The following IHO1 variants were observed in gnomAD, a reference collection of about 807,000 sequenced individuals.
IHO1 encodes interactor of HORMAD1 1, also known as interactor of HORMAD1 protein 1.
A neutral mutation model predicts 31.0 loss-of-function variants in IHO1; 13 were observed. The observed-to-expected ratio is 0.42, with a 90% CI of 0.27 to 0.67. IHO1 has a LOEUF of 0.67. IHO1 is among the 30% of genes least tolerant of loss of function. IHO1 has a pLI of 0.24. For synonymous variants in IHO1, 221 were observed against 248.4 expected (o/e 0.89, Z 1.04); for missense variants, 599 against 687.5 (o/e 0.87, Z 1.44).
chr3:49,195,197 A>G (rs1207966373), upstream of IHO1, among the ~76,000 whole-genome samples: 1 of 152,158 alleles, frequency 6.6e-6, no homozygotes, highest in Non-Finnish European at 1.5e-5. Context: ...AAGCGGGCAG[A>G]TCACCTGAGG....
intron 3 of IHO1, among the ~76,000 whole-genome samples, chr3:49,240,933 T>C (rs2046623692): frequency 6.6e-6 from 1 of 152,192 alleles, no homozygotes. Context: ...AGAAATAGCA[T>C]AAATGGTTCT....
intron 2 of IHO1, among the ~76,000 whole-genome samples, chr3:49,223,575 C>T (rs2046380985): frequency 1.3e-5 from 2 of 151,972 alleles, no homozygotes; most frequent in Non-Finnish European, 2.9e-5. Flanking sequence ...CCTATAGTCC[C>T]AGCTACTCGG....
chr3:49,193,405 A>G, the IHO1 span, among the ~76,000 whole-genome samples: 1 of 151,378 alleles, frequency 6.6e-6, no homozygotes, highest in Non-Finnish European at 1.5e-5. Flanking sequence ...AAAACCGTAA[A>G]GATGTTGAGT....
intron 1 of IHO1, chr3:49,200,484 A>AAAGG (rs2046048177): frequency 1.8e-6 from 1 of 555,608 alleles, no homozygotes; most frequent in Admixed American, 7.1e-5. Flanking sequence ...AAAAAGAAAG[A>AAAGG]AAGAAAGAAA....
At chr3:49,221,247 G>A (rs1249135471) in intron 2 of IHO1, among the ~76,000 whole-genome samples, 1 of 151,330 alleles carries the variant, frequency 6.6e-6, no homozygotes, top group East Asian at 1.9e-4. Flanking sequence ...TTTACAGAGT[G>A]CTGATTGGTG....
At chr3:49,248,991 G>C (rs1330833210) in intron 6 of IHO1, among the ~76,000 whole-genome samples, 1 of 152,164 alleles carries the variant, frequency 6.6e-6, no homozygotes, top group Non-Finnish European at 1.5e-5. Flanking sequence ...CTACTCATGT[G>C]CTCATCAGGG....
intron 1 of IHO1, chr3:49,199,933 A>C (rs1006597973): frequency 6.6e-6 from 1 of 152,246 alleles, no homozygotes; most frequent in Admixed American, 6.5e-5. Context: ...CTCTTTGATT[A>C]TGAGTAGGGA....
At chr3:49,206,215 C>T (rs1174843143) in intron 1 of IHO1, among the ~76,000 whole-genome samples, 2 of 152,124 alleles carry the variant, frequency 1.3e-5, no homozygotes, top group South Asian at 2.1e-4. Context: ...CCACCCGCCT[C>T]GGCCTCCCAA....
At chr3:49,200,441 G>GAAA (rs2046040056) in intron 1 of IHO1, 7 of 343,202 alleles carry the variant, frequency 2.0e-5, no homozygotes, top group East Asian at 2.1e-4. Flanking sequence ...CTCCAGCCTG[G>GAAA]GCGACAGAGT....
intron 6 of IHO1, among the ~76,000 whole-genome samples, chr3:49,251,336 A>T (rs2046757255): frequency 7.2e-6 from 1 of 139,362 alleles, no homozygotes; most frequent in South Asian, 2.3e-4. Flanking sequence ...GCCAGGCTGG[A>T]GTGTAGTGGC....
intron 2 of IHO1, among the ~76,000 whole-genome samples, chr3:49,217,511 G>T (rs1285718110): frequency 3.1e-5 from 4 of 130,722 alleles, no homozygotes; most frequent in Non-Finnish European, 1.6e-5. Context: ...GGGGCTGGGG[G>T]AGGGATAGCA....
intron 4 of IHO1, among the ~76,000 whole-genome samples, chr3:49,241,633 T>C (rs2046632956): frequency 1.3e-5 from 2 of 152,032 alleles, no homozygotes; most frequent in South Asian, 4.2e-4. Context: ...AGATTGATTT[T>C]TTTTTTTTGA....
intron 4 of IHO1, among the ~76,000 whole-genome samples, chr3:49,241,644 C>T (rs569950910): frequency 4.0e-5 from 6 of 150,160 alleles, no homozygotes; most frequent in African/African-American, 1.5e-4. Flanking sequence ...TTTTTTTTGA[C>T]GGAGTCTTGC....
At chr3:49,205,714 G>A (rs989784531) in intron 1 of IHO1, among the ~76,000 whole-genome samples, 5 of 147,646 alleles carry the variant, frequency 3.4e-5, no homozygotes, top group East Asian at 2.0e-4. Flanking sequence ...TTTCTTCTGC[G>A]TCAGCCTCCT....
chr3:49,241,365 A>G lies in IHO1; in HGVS notation c.371A>G (p.Lys124Arg). 6.2e-7 allele frequency: 1 copy of G among 1,610,680 alleles called. No homozygotes were observed. Among genetic ancestry groups the G allele is most frequent in the Non-Finnish European group, 8.5e-7 (1 of 1,178,902 alleles). ...GLLEQFEEKK[K>R]RAKDKCDSET... ...TTGGAACAGTTTGAGGAGAAAAAGA[A>G]AAGGGCAAAAGACAAATGTGACAGG... Residue 124 changes from lysine (K) to arginine (R), a missense_variant, in exon 4 of 8, where the codon AAA (lysine) becomes AGA (arginine). Lys to Arg is a conservative substitution (Grantham distance 26). Coordinates refer to ENST00000452691, the MANE Select transcript of IHO1 (RefSeq NM_001135197.2).
At position 49,244,463 on chromosome 3, in the gene IHO1, A is replaced by G; in HGVS notation, c.444+11A>G. On this transcript the variant is annotated intron_variant, in intron 5 of 7. Coordinates refer to ENST00000452691, the MANE Select transcript of IHO1 (RefSeq NM_001135197.2). ...GAAAGCATTCTCAGGGTAAGTACAG[A>G]TACTTTTCAAGGAGTTAGAACATCT... is the stretch of plus-strand genomic sequence containing the variant. 1.3e-6 allele frequency: 2 copies of G among 1,532,248 alleles called. No individual in the cohort carries two copies. The highest frequency in any genetic ancestry group is 1.8e-6 in the Non-Finnish European group (2 of 1,122,790). The allele number at this position is 1,532,248 out of a possible 1,614,324, so 94.9% of individuals were successfully genotyped here.
rs969455147 is a variant in IHO1, at chr3:49,236,497, T to C, written c.57-51T>C. 2.9e-6 allele frequency: 4 copies of C among 1,359,200 alleles called. No individual in the cohort carries two copies. In the African/African-American group the frequency reaches 4.3e-5, roughly 15 times the overall value. The allele number at this position is 1,359,200 out of a possible 1,614,324, so 84.2% of individuals were successfully genotyped here. On this transcript the variant is annotated intron_variant, in intron 2 of 7. Coordinates refer to ENST00000452691, the MANE Select transcript of IHO1 (RefSeq NM_001135197.2). Reference sequence around the variant, plus strand: ...TGGACAGCTGTGAACTATGATTTCATTTGTTCAGGATATTTGTCTATTTGA... The same window carrying C: ...TGGACAGCTGTGAACTATGATTTCACTTGTTCAGGATATTTGTCTATTTGA...
intron 6 of IHO1, among the ~76,000 whole-genome samples, chr3:49,249,315 GGC>G (rs1177770044): frequency 2.6e-5 from 4 of 151,144 alleles, no homozygotes; most frequent in African/African-American, 9.7e-5. Flanking sequence ...CTGTCACCCA[GGC>G]TGAAGTGCAG....
At chr3:49,252,191 T>TC in intron 6 of IHO1, 1 of 156,368 alleles carries the variant, frequency 6.4e-6, no homozygotes. Flanking sequence ...AGTAAACATT[T>TC]CCCAAAACTT....
Sources: allele counts gnomAD v4.1 joint callset (sites outside exome capture counted in the v4.1 genomes callset), GRCh38; gene constraint gnomAD v4.1.1; transcripts MANE v1.5; gene names NCBI Gene and HGNC (gene_info 2026-07-23, HGNC 2026-07-21).